Variants in PCDHA10 observed in about 807,000 individuals in gnomAD.
PCDHA10 encodes protocadherin alpha 10.
PCDHA10 carries 45 observed loss-of-function variants against 61.2 expected under a neutral mutation model. The observed-to-expected ratio is 0.74, with a 90% CI of 0.58 to 0.94. The LOEUF (loss-of-function observed/expected upper bound fraction) is 0.94. PCDHA10 is among the 40% of genes least tolerant of loss of function. The pLI, the probability that PCDHA10 is intolerant of heterozygous loss-of-function variation, is 0.00. For synonymous variants in PCDHA10, 602 were observed against 548.8 expected (o/e 1.10, Z -1.35); for missense variants, 1,278 against 1,236.2 (o/e 1.03, Z -0.51).
intron 1 of PCDHA10, among the ~76,000 whole-genome samples, chr5:140,942,586 A>C (rs559683622): frequency 1.3e-5 from 2 of 150,518 alleles, no homozygotes; most frequent in African/African-American, 4.9e-5. Context: ...ATAGGATGTC[A>C]CATATAATTA....
chr5:140,989,533 T>A (rs114286041), intron 3 of PCDHA10, among the ~76,000 whole-genome samples: 1 of 152,158 alleles, frequency 6.6e-6, no homozygotes, highest in Non-Finnish European at 1.5e-5. Context: ...AGGAGGAAGA[T>A]AGTTTGTAAT....
chr5:141,009,132 G>A (rs2098400947), intron 3 of PCDHA10, among the ~76,000 whole-genome samples: 1 of 152,204 alleles, frequency 6.6e-6, no homozygotes, highest in African/African-American at 2.4e-5. Flanking sequence ...GTATCCTGGT[G>A]AAAAAACCTG....
intron 2 of PCDHA10, among the ~76,000 whole-genome samples, chr5:140,981,854 C>T (rs2096954295): frequency 6.6e-6 from 1 of 152,132 alleles, no homozygotes; most frequent in South Asian, 2.1e-4. Flanking sequence ...GTATCTCACT[C>T]CCAGCAATGT....
At chr5:140,933,663 C>G (rs1340033934) in intron 1 of PCDHA10, among the ~76,000 whole-genome samples, 4 of 152,128 alleles carry the variant, frequency 2.6e-5, no homozygotes, top group African/African-American at 7.2e-5. Context: ...GTCTCTCTCT[C>G]TGTCTCTCTC....
intron 1 of PCDHA10, among the ~76,000 whole-genome samples, chr5:140,909,427 T>C (rs777444474): frequency 5.8e-4 from 88 of 152,174 alleles, no homozygotes; most frequent in Non-Finnish European, 6.5e-4. Context: ...GTTAAACTTA[T>C]GATAATCCAC....
intron 1 of PCDHA10, chr5:140,871,257 G>T (rs374337862): frequency 6.8e-6 from 11 of 1,613,808 alleles, no homozygotes; most frequent in Admixed American, 1.7e-5. Flanking sequence ...TGCTGTATAC[G>T]GCGCTGTGGT....
chr5:140,972,583 T>G (rs1445659828), intron 1 of PCDHA10, among the ~76,000 whole-genome samples: 1 of 152,088 alleles, frequency 6.6e-6, no homozygotes, highest in African/African-American at 2.4e-5. Flanking sequence ...TAGGGCAGAA[T>G]TTCTCTTTGG....
Position 140,856,539 on chromosome 5 carries a change from A to G in PCDHA10, c.491A>G (p.Asn164Ser), listed in dbSNP as rs782181557. 1.3e-6 allele frequency: 2 copies of G among 1,598,342 alleles called. No homozygotes were observed. Among genetic ancestry groups the G allele is most frequent in the South Asian group, 2.2e-5 (2 of 90,522 alleles). ...EGASDADVGENALLTYKLSPN... is the reference protein window; with the variant it reads ...EGASDADVGESALLTYKLSPN... ...GCATCTGATGCGGATGTTGGAGAGAACGCATTGCTTACTTACAAACTCAGT... is the reference window on the plus strand; with the variant it reads ...GCATCTGATGCGGATGTTGGAGAGAGCGCATTGCTTACTTACAAACTCAGT... Residue 164 changes from asparagine to serine, a missense_variant, in exon 1 of 4, where the codon AAC becomes AGC. By Grantham distance (46) the Asn-to-Ser change is conservative. Transcript: ENST00000307360.
At chr5:140,906,995 C>T (rs1177237804) in intron 1 of PCDHA10, among the ~76,000 whole-genome samples, 1 of 152,164 alleles carries the variant, frequency 6.6e-6, no homozygotes, top group Non-Finnish European at 1.5e-5. Flanking sequence ...GCATTCCTCC[C>T]TCTGGAACTA....
intron 1 of PCDHA10, chr5:140,882,751 T>C: frequency 6.2e-7 from 1 of 1,614,242 alleles, no homozygotes; most frequent in Non-Finnish European, 8.5e-7. Flanking sequence ...CCGATGCAGA[T>C]ATTGGAGTAA....
At chr5:140,931,935 G>A (rs1456832226) in intron 1 of PCDHA10, among the ~76,000 whole-genome samples, 2 of 151,826 alleles carry the variant, frequency 1.3e-5, no homozygotes, top group East Asian at 1.9e-4. Context: ...ATTATAATGT[G>A]TGTCTGAGTC....
intron 3 of PCDHA10, among the ~76,000 whole-genome samples, chr5:140,997,576 G>A (rs528258685): frequency 5.9e-5 from 9 of 152,166 alleles, no homozygotes; most frequent in African/African-American, 2.4e-5. Flanking sequence ...TGTGTGGTCC[G>A]TTGTTGACTG....
intron 1 of PCDHA10, chr5:140,876,755 G>C (rs782037862): frequency 1.9e-6 from 3 of 1,614,248 alleles, no homozygotes; most frequent in Non-Finnish European, 1.7e-6. Flanking sequence ...GTGACTGCGC[G>C]GGATGGGGGC....
At chr5:140,967,128 T>G in intron 1 of PCDHA10, 14 of 1,612,170 alleles carry the variant, frequency 8.7e-6, no homozygotes, top group Non-Finnish European at 1.1e-5. Flanking sequence ...CTGCTCAGCT[T>G]GGAAGTGCTG....
At chr5:140,884,239 C>A (rs781996098) in intron 1 of PCDHA10, 1 of 1,613,424 alleles carries the variant, frequency 6.2e-7, no homozygotes, top group South Asian at 1.1e-5. Flanking sequence ...ACGGTGAGCC[C>A]GCGCTGACGG....
intron 1 of PCDHA10, chr5:140,882,310 A>G (rs2059059274): frequency 6.2e-7 from 1 of 1,613,930 alleles, no homozygotes; most frequent in Non-Finnish European, 8.5e-7. Context: ...CGCGGCAACT[A>G]CTGCTCTGGC....
chr5:140,871,027 C>T (rs1554164992), intron 1 of PCDHA10: 1 of 1,613,114 alleles, frequency 6.2e-7, no homozygotes, highest in African/African-American at 1.3e-5. Context: ...GGCAGACTCG[C>T]CGCGCCACCG....
chr5:140,965,493 C>A (rs1214376252), intron 1 of PCDHA10, among the ~76,000 whole-genome samples: 1 of 147,046 alleles, frequency 6.8e-6, no homozygotes, highest in African/African-American at 2.5e-5. Flanking sequence ...TTAATGACAG[C>A]AGATTTTTTT....
rs572471986 is a variant in PCDHA10, at chr5:140,873,263, A to T, written c.2388+14827A>T. The stretch of plus-strand genomic sequence containing the variant: ...ATAAAATATTTCAGACTCAAAAGTG[A>T]TTAAACCATCATACCACTTATGAAA... On this transcript the variant is annotated intron_variant, in intron 1 of 3. Coordinates refer to ENST00000307360, the MANE Select transcript of PCDHA10 (RefSeq NM_018901.4). Among the ~76,000 whole-genome samples, 8 of 152,356 alleles carry T rather than the reference A, an allele frequency of 5.3e-5. 1 individual carries two copies. Among genetic ancestry groups the T allele is most frequent in the Middle Eastern group, 6.8e-3 (2 of 294 alleles).
Sources: allele counts gnomAD v4.1 joint callset (sites outside exome capture counted in the v4.1 genomes callset), GRCh38; gene constraint gnomAD v4.1.1; transcripts MANE v1.5; gene names NCBI Gene and HGNC (gene_info 2026-07-23, HGNC 2026-07-21).